The following WDR41 variants were observed in gnomAD, a reference collection of about 807,000 sequenced individuals.
WDR41 encodes WD repeat-containing protein 41.
In WDR41, 63 loss-of-function variants were observed where a neutral mutation model predicts 69.3. The ratio of observed to expected loss-of-function variants is 0.91; its 90% CI spans 0.74 to 1.12. WDR41 has a LOEUF of 1.12. Ranked by LOEUF, WDR41 falls within the 50% of genes most tolerant of loss-of-function variation. WDR41 has a pLI of 0.00. For synonymous variants in WDR41, 185 were observed against 192.1 expected (o/e 0.96, Z 0.31); for missense variants, 543 against 534.5 (o/e 1.02, Z -0.16).
chr5:77,548,936 T>C (rs568020491), intron 1 of WDR41, among the ~76,000 whole-genome samples: 1 of 152,336 alleles, frequency 6.6e-6, no homozygotes, highest in Non-Finnish European at 1.5e-5. Context: ...ATATATACGA[T>C]GGAATACTAC....
intron 1 of WDR41, among the ~76,000 whole-genome samples, chr5:77,530,678 T>C (rs1292282578): frequency 6.6e-6 from 1 of 151,716 alleles, no homozygotes; most frequent in Non-Finnish European, 1.5e-5. Context: ...GGATATATGG[T>C]CATATGTAGC....
chr5:77,585,947 C>T (rs532854972), intron 1 of WDR41, among the ~76,000 whole-genome samples: 7 of 152,236 alleles, frequency 4.6e-5, no homozygotes, highest in Non-Finnish European at 1.0e-4. Context: ...CAAATACCAC[C>T]TGTACCCCAA....
At chr5:77,601,282 G>T (rs1744319750) in intron 1 of WDR41, among the ~76,000 whole-genome samples, 1 of 151,932 alleles carries the variant, frequency 6.6e-6, no homozygotes, top group Non-Finnish European at 1.5e-5. Flanking sequence ...TTTTTATTTT[G>T]TCGAGATATA....
At chr5:77,436,424 G>T (rs74697974) in intron 11 of WDR41, 30 bp from the exon 12 acceptor site, 7 of 1,612,766 alleles carry the variant, frequency 4.3e-6, no homozygotes, top group Non-Finnish European at 5.9e-6. Context: ...CAAAATTACT[G>T]TGCTCTGTAC....
intron 2 of WDR41, among the ~76,000 whole-genome samples, chr5:77,484,103 C>T (rs746235687): frequency 7.9e-5 from 12 of 152,170 alleles, no homozygotes; most frequent in Non-Finnish European, 1.8e-4. Flanking sequence ...TACTGTTAGA[C>T]ACTTGCTGTC....
Position 77,438,275 on chromosome 5 carries a change from G to A in WDR41, c.969C>T (p.Asp323=). 6.2e-7 allele frequency: 1 copy of A among 1,614,086 alleles called. No individual in the cohort carries two copies. The highest frequency in any genetic ancestry group is 8.5e-7 in the Non-Finnish European group (1 of 1,179,924). ...GTCTGGCAACGTGCAGGACATTGGA[G>A]TCATGTGCAGTTTTCTGGCAGGCAA... is the stretch of plus-strand genomic sequence containing the variant. The part of the protein sequence containing the change: ...RVIACQKTAH[D]SNVLHVARLP... The change falls in exon 10 of 13, where the codon GAC becomes GAT. Residue 323 remains aspartate (D), a synonymous_variant. Coordinates refer to ENST00000296679, the MANE Select transcript of WDR41 (RefSeq NM_018268.4).
chr5:77,514,716 G>C (rs549829991), intron 1 of WDR41, among the ~76,000 whole-genome samples: 3 of 152,232 alleles, frequency 2.0e-5, no homozygotes, highest in East Asian at 1.9e-4. Flanking sequence ...AACCTAGATG[G>C]TATAGTCTAC....
At chr5:77,438,423 T>C in intron 9 of WDR41, 62 bp from the exon 10 acceptor site, 1 of 1,591,738 alleles carries the variant, frequency 6.3e-7, no homozygotes. Flanking sequence ...GTGTAATGGA[T>C]TTCCAGCCCT....
Position 77,548,966 on chromosome 5 carries a change from A to AT in WDR41, c.43-59395_43-59394insA, listed in dbSNP as rs1743248616. 3.9e-5 allele frequency among the ~76,000 whole-genome samples: 6 copies of AT among 152,336 alleles called. No individual in the cohort carries two copies. The South Asian group carries it at 1.0e-3, about 26-fold the overall frequency. On this transcript the variant is annotated intron_variant, in intron 1 of 5. Transcript: ENST00000509971. ...TACTACTCAGCCATAAAAAGGAATG[A>AT]ATTAATGGCATTTGCAGTGTTCTGG...
intron 1 of WDR41, among the ~76,000 whole-genome samples, chr5:77,595,719 T>A (rs546751889): frequency 6.6e-6 from 1 of 152,330 alleles, no homozygotes; most frequent in South Asian, 2.1e-4. Context: ...ACAAACAAAT[T>A]AACCAGGGTG....
intron 1 of WDR41, among the ~76,000 whole-genome samples, chr5:77,594,338 A>G (rs13170328): frequency 0.44 from 65,864 of 151,310 alleles, 16,667 homozygotes; most frequent in Non-Finnish European, 0.56. Flanking sequence ...TGGGTGCAGC[A>G]CACCAACATA....
intron 1 of WDR41, among the ~76,000 whole-genome samples, chr5:77,597,242 A>G (rs556584861): frequency 6.6e-6 from 1 of 152,314 alleles, no homozygotes; most frequent in East Asian, 1.9e-4. Context: ...CTGCTCTAAT[A>G]AGCCTATAAT....
chr5:77,499,415 TG>T (rs1801984540), intron 1 of WDR41: 1 of 152,256 alleles, frequency 6.6e-6, no homozygotes, highest in African/African-American at 2.4e-5. Flanking sequence ...CTCTCCTTTT[TG>T]TCCATTCTCT....
intron 1 of WDR41, among the ~76,000 whole-genome samples, chr5:77,551,795 T>C (rs1011895861): frequency 1.3e-5 from 2 of 151,136 alleles, no homozygotes; most frequent in Admixed American, 1.3e-4. Context: ...CTGGCCAACA[T>C]GGTGAAACCC....
intron 10 of WDR41, 63 bp downstream of exon 10, chr5:77,438,177 C>T (rs1032446096): frequency 8.8e-6 from 14 of 1,599,846 alleles, no homozygotes; most frequent in Admixed American, 1.7e-5. Context: ...TGAGAAATTA[C>T]ACTGGTAGCC....
chr5:77,507,205 G>C (rs1209643063), intron 1 of WDR41, among the ~76,000 whole-genome samples: 2 of 152,134 alleles, frequency 1.3e-5, no homozygotes, highest in Non-Finnish European at 2.9e-5. Context: ...GAGATTGGTT[G>C]CATGAGAACG....
At position 77,486,558 on chromosome 5, in the gene WDR41, G is replaced by A. The variant is rs149908272; in HGVS notation, c.167+2899C>T. On this transcript the variant is annotated intron_variant, in intron 2 of 12. Coordinates refer to ENST00000296679, the MANE Select transcript of WDR41 (RefSeq NM_018268.4). The stretch of plus-strand genomic sequence containing the variant: ...TGGCTGACGAAACAGCAGCAAACAC[G>A]AGGCAAGCTGAGACTTGAAAAGTGT... 1.7e-4 allele frequency among the ~76,000 whole-genome samples: 26 copies of A among 152,270 alleles called. No homozygotes were observed. In the East Asian group the frequency reaches 3.7e-3, roughly 21 times the overall value.
intron 1 of WDR41, among the ~76,000 whole-genome samples, chr5:77,583,473 C>G (rs1213602236): frequency 6.6e-6 from 1 of 151,618 alleles, no homozygotes; most frequent in African/African-American, 2.4e-5. Context: ...GATCGTACCA[C>G]CACACTCCAG....
intron 1 of WDR41, among the ~76,000 whole-genome samples, chr5:77,585,289 G>A (rs1002094696): frequency 3.3e-5 from 5 of 152,142 alleles, no homozygotes; most frequent in African/African-American, 1.2e-4. Context: ...CCTCACTCCT[G>A]CAAGAATGGC....
Sources: allele counts gnomAD v4.1 joint callset (sites outside exome capture counted in the v4.1 genomes callset), GRCh38; gene constraint gnomAD v4.1.1; transcripts MANE v1.5; gene names NCBI Gene and HGNC (gene_info 2026-07-23, HGNC 2026-07-21).